IRS1: variants seen among roughly 807,000 people sequenced by gnomAD.
The protein encoded by IRS1 is insulin receptor substrate 1.
IRS1 carries 34 observed loss-of-function variants against 65.6 expected under a neutral mutation model. That is an observed-to-expected ratio of 0.52 (90% CI 0.39 to 0.69). IRS1 has a LOEUF of 0.69. Among genes scored for constraint, IRS1 ranks in the 30% least tolerant of loss-of-function variants. The probability of loss-of-function intolerance (pLI) is 0.00; values close to 1 mark genes in which losing one functional copy is unlikely to be tolerated. For missense variants in IRS1, 1,641 were observed against 1,720.2 expected, an observed-to-expected ratio of 0.95 and a Z score of 0.81; for synonymous variants, 699 against 683.5, an observed-to-expected ratio of 1.02 and a Z score of -0.35.
chr2:226,753,067 G>C (rs780285757), intron 1 of IRS1, among the ~76,000 whole-genome samples: 2 of 152,056 alleles, frequency 1.3e-5, no homozygotes, highest in Non-Finnish European at 2.9e-5. Flanking sequence ...GCCCCGAGGG[G>C]GTGGCAAAAA....
Position 226,799,468 on chromosome 2 carries a change from C to A in IRS1, c.-730G>T. 1 of 1,184,362 alleles carries A rather than the reference C, an allele frequency of 8.4e-7. No individual in the cohort carries two copies. 73.4% of individuals were successfully genotyped at this position (1,184,362 alleles called of 1,614,324 possible). A position where few individuals can be genotyped will look rare whatever the true frequency, so the allele number is the denominator to read the frequency against. ...GGGTGGAGAAAGTGGCTTTTCCATG[C>A]GAAACGATACCGGGCAGCCACTGCA... is the stretch of plus-strand genomic sequence containing the variant. On this transcript the variant is annotated 5_prime_UTR_variant, in exon 1 of 2. Transcript: ENST00000305123. The surrounding 1 kb of genome is among the most constrained non-coding windows in gnomAD (Gnocchi z 6.1).
At chr2:226,776,250 T>C (rs562589499) in intron 1 of IRS1, among the ~76,000 whole-genome samples, 1 of 152,240 alleles carries the variant, frequency 6.6e-6, no homozygotes, top group Admixed American at 6.5e-5. Context: ...TGTTACTGGA[T>C]TATGACCTGA....
In IRS1 at chr2:226,798,187, G is replaced by A. The variant is rs144915638; in HGVS notation, c.552C>T (p.Arg184=). ...GQTKNLIGIY[R]LCLTSKTISF... ...TGATGGTCTTGCTGGTCAGGCAAAG[G>A]CGGTAGATACCAATCAGGTTCTTTG... The change falls in exon 1 of 2, where the codon CGC becomes CGT. Residue 184 remains arginine (R), a synonymous_variant. Coordinates refer to ENST00000305123, the MANE Select transcript of IRS1 (RefSeq NM_005544.3). The surrounding 1 kb of genome is among the most constrained non-coding windows in gnomAD (Gnocchi z 9.4). 4.0e-5 allele frequency: 65 copies of A among 1,613,970 alleles called. No homozygotes were observed. The African/African-American group carries it at 8.4e-4, about 21-fold the overall frequency.
chr2:226,763,195 C>T lies in IRS1; in HGVS notation c.*22-26945G>A, dbSNP rs74978432. Reference sequence around the variant, plus strand: ...ATGCATTGCTGAAGGCCTTGTACTGCTGGAGGGGCATCTTAGTTTGAATTC... The same window carrying T: ...ATGCATTGCTGAAGGCCTTGTACTGTTGGAGGGGCATCTTAGTTTGAATTC... On this transcript the variant is annotated intron_variant, in intron 1 of 1. Coordinates refer to ENST00000305123, the MANE Select transcript of IRS1 (RefSeq NM_005544.3). Among the ~76,000 whole-genome samples the T allele has an allele frequency of 9.2e-3, 1,401 of 152,296 alleles. 10 individuals carry two copies. The highest frequency in any genetic ancestry group is 0.014 in the Non-Finnish European group (954 of 68,022).
rs71036150 is a variant in IRS1 at position 226,756,959 on chromosome 2, TAATAAATAAATAAATAAATA to T, written c.*22-20729_*22-20710del. Reference sequence around the variant, plus strand: ...CCTGGTGACAGAGTGAGACTCCGTCTAATAAATAAATAAATAAATAAATAAATAAATAAATAAATAAATAA... The same window carrying T: ...CCTGGTGACAGAGTGAGACTCCGTCTAATAAATAAATAAATAAATAAATAA... On this transcript the variant is annotated intron_variant, in intron 1 of 1. Coordinates refer to ENST00000305123, the MANE Select transcript of IRS1 (RefSeq NM_005544.3). Among the ~76,000 whole-genome samples the T allele has an allele frequency of 7.0e-3, 1,014 of 145,244 alleles. 12 individuals are homozygous for T. The highest frequency in any genetic ancestry group is 0.024 in the African/African-American group (958 of 39,478).
In IRS1 at chr2:226,799,092, C is replaced by T. The variant is rs1939832371; in HGVS notation, c.-354G>A. ...ATCTCTCGTCGCCCCGGCTGGAGTC[C>T]GGCACAGGGAGGCGACAGTCGGGGG... On this transcript the variant is annotated 5_prime_UTR_variant, in exon 1 of 2. Coordinates refer to ENST00000305123, the MANE Select transcript of IRS1 (RefSeq NM_005544.3). The surrounding 1 kb of genome is among the most constrained non-coding windows in gnomAD (Gnocchi z 6.1). The T allele has an allele frequency of 3.3e-6, 4 of 1,217,522 alleles. No individual in the cohort carries two copies. Among genetic ancestry groups the T allele is most frequent in the African/African-American group, 3.2e-5 (2 of 62,768 alleles). 75.4% of individuals were successfully genotyped at this position (1,217,522 alleles called of 1,614,324 possible).
At chr2:226,750,037 G>T (rs1938642666) in intron 1 of IRS1, among the ~76,000 whole-genome samples, 1 of 152,060 alleles carries the variant, frequency 6.6e-6, no homozygotes, top group Non-Finnish European at 1.5e-5. Context: ...ATCACCTGAG[G>T]TCAGGAGTTC....
chr2:226,797,720 G>C lies in IRS1; in HGVS notation c.1019C>G (p.Ala340Gly). 6.3e-7 allele frequency: 1 copy of C among 1,598,012 alleles called. No homozygotes were observed. The highest frequency in any genetic ancestry group is 8.5e-7 in the Non-Finnish European group (1 of 1,178,770). The change falls in exon 1 of 2, where the codon GCC becomes GGC. Residue 340 changes from alanine to glycine, a missense_variant. Around this residue, in one of 3 missense-constraint regions of IRS1, gnomAD observed 1,324 missense variants for 1,361.0 expected, o/e 0.97. Coordinates refer to ENST00000305123, the MANE Select transcript of IRS1 (RefSeq NM_005544.3). The surrounding 1 kb of genome is among the most constrained non-coding windows in gnomAD (Gnocchi z 8.1). ...SDGEGTMSRP[A>G]SVDGSPVSPS... ...ACTCACAGGGCTGCCGTCCACCGAG[G>C]CTGGGCGGGACATGGTGCCTTCGCC...
At chr2:226,759,671 A>T (rs953602177) in intron 1 of IRS1, among the ~76,000 whole-genome samples, 1 of 152,258 alleles carries the variant, frequency 6.6e-6, no homozygotes, top group African/African-American at 2.4e-5. Context: ...AAACAATGAA[A>T]ACTTTTTCAA....
intron 1 of IRS1, among the ~76,000 whole-genome samples, chr2:226,786,482 T>C (rs747338940): frequency 3.6e-4 from 54 of 152,008 alleles, no homozygotes; most frequent in Non-Finnish European, 6.9e-4. Context: ...ATAGAAGACT[T>C]GGAGCAGTTG....
chr2:226,772,388 GA>G (rs2106172360), intron 1 of IRS1, among the ~76,000 whole-genome samples: 1 of 152,234 alleles, frequency 6.6e-6, no homozygotes, highest in Non-Finnish European at 1.5e-5. Context: ...CAGTTCCCAG[GA>G]GGTGGCAGAA....
chr2:226,755,111 T>G (rs527854972), intron 1 of IRS1, among the ~76,000 whole-genome samples: 1 of 152,368 alleles, frequency 6.6e-6, no homozygotes, highest in South Asian at 2.1e-4. Context: ...ATATTTTTAT[T>G]CAACAGCTTT....
At chr2:226,739,589 T>C (rs1312924170) in intron 1 of IRS1, among the ~76,000 whole-genome samples, 1 of 152,196 alleles carries the variant, frequency 6.6e-6, no homozygotes, top group Non-Finnish European at 1.5e-5. Flanking sequence ...CGAGGTATTA[T>C]CTAAAGCCAA....
At position 226,797,495 on chromosome 2, in the gene IRS1, G is replaced by A; in HGVS notation, c.1244C>T (p.Ser415Leu). 6.2e-7 allele frequency: 1 copy of A among 1,613,392 alleles called. No homozygotes were observed. Among genetic ancestry groups the A allele is most frequent in the Non-Finnish European group, 8.5e-7 (1 of 1,179,960 alleles). Residue 415 changes from serine to leucine, a missense_variant, in exon 1 of 2, where the codon TCG becomes TTG. Coordinates refer to ENST00000305123, the MANE Select transcript of IRS1 (RefSeq NM_005544.3). This position sits in a 1 kb window ranked among gnomAD's most constrained non-coding sequence, Gnocchi z 8.1. ...GCCATCGCTGGGGGAACCAGACACC[G>A]AAGCACTAGATCGCCGTGGGAAGAG... Reference protein sequence around the residue: ...DCLFPRRSSASVSGSPSDGGF... With the variant: ...DCLFPRRSSALVSGSPSDGGF...
Position 226,798,328 on chromosome 2 carries a change from G to T in IRS1, c.411C>A (p.Ser137Arg), listed in dbSNP as rs748060885. The part of the protein sequence containing the change: ...LGAGGGGGSC[S>R]GSSGLGEAGE... ...CAGCCTCACCAAGGCCGGAGCTGCC[G>T]CTGCAGCTGCCCCCACCACCTCCCG... Residue 137 changes from serine (S) to arginine (R), a missense_variant, in exon 1 of 2, where the codon AGC becomes AGA. By Grantham distance (110) the Ser-to-Arg change is moderately radical. Coordinates refer to ENST00000305123, the MANE Select transcript of IRS1 (RefSeq NM_005544.3). The surrounding 1 kb of genome is among the most constrained non-coding windows in gnomAD (Gnocchi z 9.4). 6.2e-7 allele frequency: 1 copy of T among 1,613,288 alleles called. No homozygotes were observed. The highest frequency in any genetic ancestry group is 1.3e-5 in the African/African-American group (1 of 75,046).
chr2:226,797,668 G>C lies in IRS1; in HGVS notation c.1071C>G (p.His357Gln), dbSNP rs768356298. 1 of 1,595,874 alleles carries C rather than the reference G, an allele frequency of 6.3e-7. No homozygotes were observed. Among genetic ancestry groups the C allele is most frequent in the Non-Finnish European group, 8.5e-7 (1 of 1,177,712 alleles). ...VSPSTNRTHA[H>Q]RHRGSARLHP... The stretch of plus-strand genomic sequence containing the variant: ...GCAGCCGGGCGCTGCCCCGATGCCG[G>C]TGGGCGTGGGTTCTGTTGGTGCTGG... Residue 357 changes from histidine (H) to glutamine (Q), a missense_variant, in exon 1 of 2, where the codon CAC (histidine) becomes CAG (glutamine). Transcript: ENST00000305123. This position sits in a 1 kb window ranked among gnomAD's most constrained non-coding sequence, Gnocchi z 8.1.
chr2:226,782,933 G>A (rs1464102183), intron 1 of IRS1, among the ~76,000 whole-genome samples: 1 of 152,194 alleles, frequency 6.6e-6, no homozygotes, highest in Non-Finnish European at 1.5e-5. Context: ...CCAGGAGGTG[G>A]AGGCTGCAGC....
At chr2:226,742,942 A>T (rs1938468322) in intron 1 of IRS1, among the ~76,000 whole-genome samples, 1 of 152,132 alleles carries the variant, frequency 6.6e-6, no homozygotes, top group Non-Finnish European at 1.5e-5. Context: ...ATATTAAGGA[A>T]ATCTGAATAA....
intron 1 of IRS1, among the ~76,000 whole-genome samples, chr2:226,789,335 C>T (rs1329269585): frequency 2.0e-5 from 3 of 152,148 alleles, no homozygotes; most frequent in African/African-American, 7.2e-5. Context: ...ATATTGGCAA[C>T]TCAACAGTCA....
Sources: gnomAD v4.1 joint callset for allele counts (sites outside exome capture counted in the v4.1 genomes callset) on GRCh38, gnomAD v4.1.1 for gene constraint, gnomAD v4.1.1 regional missense constraint, Gnocchi (gnomAD v3.1) non-coding constraint, MANE v1.5 for transcripts, NCBI Gene and HGNC (gene_info 2026-07-23, HGNC 2026-07-21) for gene names.